The following ARHGEF10L variants were observed in gnomAD, a reference collection of about 807,000 sequenced individuals.
The protein encoded by ARHGEF10L is rho guanine nucleotide exchange factor 10-like protein.
Under a neutral mutation model 141.2 loss-of-function variants are expected in ARHGEF10L, and 69 were observed. The ratio of observed to expected loss-of-function variants is 0.49; its 90% CI spans 0.40 to 0.60. The LOEUF is 0.60. Ranked by LOEUF, ARHGEF10L falls within the 20% of genes least tolerant of loss-of-function variation. The pLI is 0.00. For missense variants in ARHGEF10L, 1,482 were observed against 1,734.3 expected (o/e 0.85, Z 2.58); for synonymous variants, 711 against 718.5 (o/e 0.99, Z 0.17).
chr1:17,693,870 C>T (rs1403405252), intron 27 of ARHGEF10L, among the ~76,000 whole-genome samples: 1 of 152,134 alleles, frequency 6.6e-6, no homozygotes, highest in Non-Finnish European at 1.5e-5. Context: ...AGGAGACAGC[C>T]CTTTAGAAAG....
At chr1:17,596,122 C>T (rs1168501878) in intron 4 of ARHGEF10L, among the ~76,000 whole-genome samples, 1 of 152,226 alleles carries the variant, frequency 6.6e-6, no homozygotes, top group Non-Finnish European at 1.5e-5. Flanking sequence ...TTACCCCTGA[C>T]CAACAGTCAG....
intron 25 of ARHGEF10L, among the ~76,000 whole-genome samples, chr1:17,658,338 T>C (rs965738424): frequency 6.6e-6 from 1 of 152,128 alleles, no homozygotes; most frequent in East Asian, 1.9e-4. Flanking sequence ...AACATGGGGT[T>C]TGGGGTCCAC....
At chr1:17,537,907 G>C (rs1448300046), upstream of ARHGEF10L, among the ~76,000 whole-genome samples, 1 of 151,032 alleles carries the variant, frequency 6.6e-6, no homozygotes, top group Non-Finnish European at 1.5e-5. Context: ...AGCCAGGCAT[G>C]GCTACCTGGC....
intron 4 of ARHGEF10L, among the ~76,000 whole-genome samples, chr1:17,601,725 C>G (rs554193520): frequency 6.6e-6 from 1 of 152,256 alleles, no homozygotes; most frequent in African/African-American, 2.4e-5. Flanking sequence ...TGATTACAGG[C>G]ATGAGCTACC....
chr1:17,616,344 G>A (rs944348008), intron 9 of ARHGEF10L, 142 bp downstream of exon 9: 4 of 700,230 alleles, frequency 5.7e-6, no homozygotes, highest in Admixed American at 2.5e-5. Context: ...GGGGTTGGGG[G>A]CTGAGTCCCA....
chr1:17,552,169 G>A (rs1467924844), intron 1 of ARHGEF10L, among the ~76,000 whole-genome samples: 2 of 152,170 alleles, frequency 1.3e-5, no homozygotes, highest in Non-Finnish European at 2.9e-5. Context: ...AGTCCCTGCT[G>A]GGAAGGGCAG....
At chr1:17,690,348 T>C (rs2065008400) in intron 27 of ARHGEF10L, among the ~76,000 whole-genome samples, 2 of 152,232 alleles carry the variant, frequency 1.3e-5, no homozygotes, top group Non-Finnish European at 2.9e-5. Flanking sequence ...CCTCGGTCCC[T>C]ACCCCGCAGG....
At chr1:17,652,890 G>A (rs2062014894) in intron 22 of ARHGEF10L, among the ~76,000 whole-genome samples, 1 of 152,198 alleles carries the variant, frequency 6.6e-6, no homozygotes. Context: ...TTAGGCCAAA[G>A]CTCACAAGCT....
At chr1:17,580,734 G>A in intron 2 of ARHGEF10L, 102 bp downstream of exon 2, 1 of 1,427,846 alleles carries the variant, frequency 7.0e-7, no homozygotes, top group Non-Finnish European at 9.7e-7. Flanking sequence ...CGCCGGGTGG[G>A]AAGTCTGCTC....
rs538072918 is a variant in ARHGEF10L, at chr1:17,673,343, G to T, written c.3009+8748G>T. On this transcript the variant is annotated intron_variant, in intron 26 of 28. Coordinates refer to ENST00000361221, the MANE Select transcript of ARHGEF10L (RefSeq NM_018125.4). This position sits in a 1 kb window ranked among gnomAD's most constrained non-coding sequence, Gnocchi z 4.1. ...CCTCCCCTCTGAGCCCGGCAGCAGG[G>T]AGAGGGGGAGGGCAGATGCCCAAGG... Among the ~76,000 whole-genome samples the T allele has an allele frequency of 1.3e-5, 2 of 152,246 alleles. No individual in the cohort carries two copies. The highest frequency in any genetic ancestry group is 2.9e-5 in the Non-Finnish European group (2 of 68,012).
chr1:17,648,328 G>A (rs1184957002), intron 21 of ARHGEF10L, among the ~76,000 whole-genome samples: 1 of 152,210 alleles, frequency 6.6e-6, no homozygotes, highest in Non-Finnish European at 1.5e-5. Flanking sequence ...CGGTAGGGTG[G>A]TCAAGCTGGG....
At chr1:17,608,604 G>C (rs149224982) in intron 7 of ARHGEF10L, among the ~76,000 whole-genome samples, 481 of 152,244 alleles carry the variant, frequency 3.2e-3, no homozygotes, top group Middle Eastern at 0.02. Flanking sequence ...CTGTGAGGGG[G>C]ATAGGTCATC....
intron 11 of ARHGEF10L, among the ~76,000 whole-genome samples, chr1:17,622,672 T>TCAGTG (rs549602319): frequency 1.3e-5 from 2 of 152,120 alleles, no homozygotes; most frequent in South Asian, 4.2e-4. Context: ...TGTAGTGACC[T>TCAGTG]TACCGCTCGT....
rs1453638049 is a variant in ARHGEF10L at position 17,619,560 on chromosome 1, G to C, written c.942+115G>C. Reference sequence around the variant, plus strand: ...ATCTCACAGGGGATATGATGACTGGGGGCTCTTGGCAGAGCCCAGCTGGAT... The same window carrying C: ...ATCTCACAGGGGATATGATGACTGGCGGCTCTTGGCAGAGCCCAGCTGGAT... On this transcript the variant is annotated intron_variant, in intron 10 of 28. Transcript: ENST00000361221. This position sits in a 1 kb window ranked among gnomAD's most constrained non-coding sequence, Gnocchi z 5.0. The C allele has an allele frequency of 1.2e-6, 1 of 856,778 alleles. No homozygotes were observed. Among genetic ancestry groups the C allele is most frequent in the Non-Finnish European group, 1.8e-6 (1 of 567,310 alleles). 53.1% of individuals were successfully genotyped at this position (856,778 alleles called of 1,614,324 possible). A position where few individuals can be genotyped will look rare whatever the true frequency, so the allele number is the denominator to read the frequency against.
chr1:17,563,590 G>C (rs961183132), intron 1 of ARHGEF10L, among the ~76,000 whole-genome samples: 1 of 152,230 alleles, frequency 6.6e-6, no homozygotes, highest in South Asian at 2.1e-4. Flanking sequence ...AACAGGACTT[G>C]GCTCATGGAG....
rs575209496 is a variant in ARHGEF10L, at chr1:17,603,476, G to A, written c.350-32G>A. 4.4e-6 allele frequency: 7 copies of A among 1,590,594 alleles called. No individual in the cohort carries two copies. Among genetic ancestry groups the A allele is most frequent in the East Asian group, 2.2e-5 (1 of 44,554 alleles). ...CTCTGGCCAGGCTGCCACAGCCCAC[G>A]GTGGTGCTCTCTCTCCCCACTTCCC... On this transcript the variant is annotated intron_variant, in intron 5 of 28. Coordinates refer to ENST00000361221, the MANE Select transcript of ARHGEF10L (RefSeq NM_018125.4). The surrounding 1 kb of genome is among the most constrained non-coding windows in gnomAD (Gnocchi z 4.8).
chr1:17,676,432 G>T (rs373302352), intron 26 of ARHGEF10L, among the ~76,000 whole-genome samples: 16 of 150,012 alleles, frequency 1.1e-4, no homozygotes, highest in African/African-American at 3.4e-4. Context: ...GCAGGCATGG[G>T]TGCAGGTGTG....
intron 7 of ARHGEF10L, among the ~76,000 whole-genome samples, chr1:17,609,193 T>C (rs1470254731): frequency 6.6e-6 from 1 of 152,208 alleles, no homozygotes; most frequent in Non-Finnish European, 1.5e-5. Flanking sequence ...TCCCACCTTT[T>C]CTGGGCTTGG....
chr1:17,669,122 T>C (rs1295154366), intron 26 of ARHGEF10L, among the ~76,000 whole-genome samples: 2 of 152,232 alleles, frequency 1.3e-5, no homozygotes, highest in Non-Finnish European at 2.9e-5. Flanking sequence ...CATTCCTTGC[T>C]GGCAGCCATG....
Sources: gnomAD v4.1 joint callset for allele counts (sites outside exome capture counted in the v4.1 genomes callset) on GRCh38, gnomAD v4.1.1 for gene constraint, Gnocchi (gnomAD v3.1) non-coding constraint, MANE v1.5 for transcripts, NCBI Gene and HGNC (gene_info 2026-07-23, HGNC 2026-07-21) for gene names.